Variants in AXDND1 observed in about 807,000 individuals in gnomAD.
AXDND1 encodes axonemal dynein light chain domain-containing protein 1.
In AXDND1, 110 loss-of-function variants were observed where a neutral mutation model predicts 137.5. That is an observed-to-expected ratio of 0.80 (90% confidence interval 0.69 to 0.94). The LOEUF is 0.94. Among genes scored for constraint, AXDND1 ranks in the 40% least tolerant of loss-of-function variants. The pLI, the probability that AXDND1 is intolerant of heterozygous loss-of-function variation, is 0.00. For missense variants in AXDND1, 1,191 were observed against 1,169.8 expected (o/e 1.02, Z -0.26); for synonymous variants, 414 against 399.7 (o/e 1.04, Z -0.43).
intron 20 of AXDND1, among the ~76,000 whole-genome samples, chr1:179,503,217 T>A (rs1668197310): frequency 6.6e-6 from 1 of 152,028 alleles, no homozygotes; most frequent in South Asian, 2.1e-4. Context: ...AGGACTGGCA[T>A]GTAGGGAGCA....
chr1:179,468,636 T>C lies in AXDND1; in HGVS notation c.1992T>C (p.Ser664=), dbSNP rs1046486335. The C allele has an allele frequency of 3.8e-6, 6 of 1,592,812 alleles. No homozygotes were observed. The highest frequency in any genetic ancestry group is 2.7e-5 in the African/African-American group (2 of 74,084). ...TTCCACAGCACATAGATGTGGATTC[T>C]GTTTCGTAAGTTCCCATAGGTTTCT... is the stretch of plus-strand genomic sequence containing the variant. ...GIVPQHIDVD[S]VSVLQAYIFN... The change falls in exon 17 of 26, where the codon TCT becomes TCC. Residue 664 remains serine (S), a synonymous_variant. Coordinates refer to ENST00000367618, the MANE Select transcript of AXDND1 (RefSeq NM_144696.6).
chr1:179,447,877 G>A (rs1659966967), intron 16 of AXDND1: 1 of 1,343,718 alleles, frequency 7.4e-7, no homozygotes, highest in Admixed American at 1.7e-5. Flanking sequence ...TCTCTGAGGA[G>A]CTCCAGGGGA....
At chr1:179,529,897 T>C (rs756254020) in intron 23 of AXDND1, among the ~76,000 whole-genome samples, 1 of 152,164 alleles carries the variant, frequency 6.6e-6, no homozygotes, top group Non-Finnish European at 1.5e-5. Context: ...TTTGGCACAT[T>C]CTCCCAAAGT....
At chr1:179,392,266 G>T (rs560879374) in intron 9 of AXDND1, among the ~76,000 whole-genome samples, 69 of 152,260 alleles carry the variant, frequency 4.5e-4, no homozygotes, top group Non-Finnish European at 9.3e-4. Flanking sequence ...TAGAATAATG[G>T]TCTCAAACTC....
At chr1:179,393,753 G>A in intron 9 of AXDND1, 150 bp from the exon 10 acceptor site, 4 of 502,746 alleles carry the variant, frequency 8.0e-6, no homozygotes, top group Non-Finnish European at 1.3e-5. Flanking sequence ...TGCAGCTGTT[G>A]TAAAAGGGAT....
At chr1:179,410,301 G>A (rs1007918702) in intron 11 of AXDND1, among the ~76,000 whole-genome samples, 18 of 152,130 alleles carry the variant, frequency 1.2e-4, no homozygotes, top group African/African-American at 4.1e-4. Flanking sequence ...CGCGATCTCG[G>A]CTCACTGCAA....
At chr1:179,473,883 C>A (rs1262535752) in intron 17 of AXDND1, among the ~76,000 whole-genome samples, 1 of 152,146 alleles carries the variant, frequency 6.6e-6, no homozygotes, top group African/African-American at 2.4e-5. Flanking sequence ...GAGGCCTCCT[C>A]AGCCATGTGG....
At chr1:179,481,712 A>G (rs201631882) in intron 17 of AXDND1, among the ~76,000 whole-genome samples, 2 of 152,124 alleles carry the variant, frequency 1.3e-5, no homozygotes, top group Non-Finnish European at 2.9e-5. Flanking sequence ...TTGTGGTTTT[A>G]ATTTGCATTT....
chr1:179,496,440 G>A (rs939715129), intron 20 of AXDND1, among the ~76,000 whole-genome samples: 3 of 151,932 alleles, frequency 2.0e-5, no homozygotes, highest in Admixed American at 1.3e-4. Flanking sequence ...TCTTGAGTGA[G>A]CTTTGGACTT....
intron 20 of AXDND1, among the ~76,000 whole-genome samples, chr1:179,504,195 G>C (rs1668307382): frequency 6.6e-6 from 1 of 152,072 alleles, no homozygotes; most frequent in Non-Finnish European, 1.5e-5. Flanking sequence ...TTTGGTTCTG[G>C]GAAGGCTTCA....
At chr1:179,534,291 A>G (rs1160655787) in intron 24 of AXDND1, among the ~76,000 whole-genome samples, 1 of 152,224 alleles carries the variant, frequency 6.6e-6, no homozygotes, top group African/African-American at 2.4e-5. Context: ...ATGTAGACAT[A>G]TAACGTGCTG....
chr1:179,453,272 T>C lies in AXDND1; in HGVS notation c.1798+8068T>C, dbSNP rs1660809630. 4 of 152,336 alleles carry C rather than the reference T, an allele frequency of 2.6e-5. No homozygotes were observed. In the South Asian group the frequency reaches 8.3e-4, roughly 32 times the overall value. The allele number at this position is 152,336 out of a possible 1,614,324, so 9.4% of individuals were successfully genotyped here. A position where few individuals can be genotyped will look rare whatever the true frequency, so the allele number is the denominator to read the frequency against. On this transcript the variant is annotated intron_variant, in intron 16 of 25. Transcript: ENST00000367618. ...CTACTGGGGCACAGCCTAGTGGAGT[T>C]ATGAGAAGAGGGCCACTGTCCTCCA...
intron 10 of AXDND1, among the ~76,000 whole-genome samples, chr1:179,394,624 C>T (rs149732657): frequency 8.0e-5 from 8 of 99,486 alleles, no homozygotes; most frequent in Non-Finnish European, 1.6e-4. Context: ...CAGATGTTTA[C>T]CTTAATCAGG....
intron 17 of AXDND1, among the ~76,000 whole-genome samples, chr1:179,472,689 A>G (rs1218844874): frequency 6.6e-6 from 1 of 152,114 alleles, no homozygotes; most frequent in Non-Finnish European, 1.5e-5. Flanking sequence ...TATTAGGTGC[A>G]CACGTTTATA....
chr1:179,416,353 G>A (rs1444624551), intron 12 of AXDND1, among the ~76,000 whole-genome samples: 2 of 152,174 alleles, frequency 1.3e-5, no homozygotes, highest in African/African-American at 4.8e-5. Context: ...CACTTAGGTT[G>A]ATTGCATATA....
At chr1:179,537,749 A>G (rs1319037824) in intron 25 of AXDND1, among the ~76,000 whole-genome samples, 1 of 152,138 alleles carries the variant, frequency 6.6e-6, no homozygotes, top group African/African-American at 2.4e-5. Context: ...ATTAATCAGA[A>G]TAGTTTCAGA....
intron 21 of AXDND1, among the ~76,000 whole-genome samples, chr1:179,510,708 G>A (rs1668962086): frequency 6.6e-6 from 1 of 152,048 alleles, no homozygotes; most frequent in South Asian, 2.1e-4. Flanking sequence ...GAATTTAAAG[G>A]CAATTGAATT....
chr1:179,401,239 C>T (rs1016747770), intron 11 of AXDND1, among the ~76,000 whole-genome samples: 1 of 32,854 alleles, frequency 3.0e-5, no homozygotes, highest in African/African-American at 1.2e-4. Context: ...GCCTGGGCAA[C>T]AAGAACAAAA....
At chr1:179,447,039 T>C (rs959244009) in intron 16 of AXDND1, among the ~76,000 whole-genome samples, 1 of 152,212 alleles carries the variant, frequency 6.6e-6, no homozygotes, top group Admixed American at 6.5e-5. Context: ...CCTGAGTATT[T>C]ATCCCTTCTA....
Sources: allele counts gnomAD v4.1 joint callset (sites outside exome capture counted in the v4.1 genomes callset), GRCh38; gene constraint gnomAD v4.1.1; transcripts MANE v1.5; gene names NCBI Gene and HGNC (gene_info 2026-07-23, HGNC 2026-07-21).